Variants in ZBTB21 observed in about 807,000 individuals in gnomAD.
ZBTB21 encodes the protein zinc finger and BTB domain containing 21.
Under a neutral mutation model 39.8 loss-of-function variants are expected in ZBTB21, and 10 were observed. That is an observed-to-expected ratio of 0.25 (90% CI 0.16 to 0.43). The LOEUF is 0.43. Ranked by LOEUF, ZBTB21 falls within the 20% of genes least tolerant of loss-of-function variation. The pLI, the probability that ZBTB21 is intolerant of heterozygous loss-of-function variation, is 1.00. For synonymous variants in ZBTB21, 551 were observed against 498.8 expected (o/e 1.10, Z -1.40); for missense variants, 1,221 against 1,296.3 (o/e 0.94, Z 0.89).
In ZBTB21 at chr21:41,993,850, A is replaced by G; in HGVS notation, c.246T>C (p.Asn82=). The G allele has an allele frequency of 6.2e-7, 1 of 1,614,066 alleles. No individual in the cohort carries two copies. Among genetic ancestry groups the G allele is most frequent in the Non-Finnish European group, 8.5e-7 (1 of 1,179,982 alleles). The change falls in exon 3 of 3, where the codon AAT becomes AAC. Residue 82 remains asparagine (N), a synonymous_variant. Coordinates refer to ENST00000310826, the MANE Select transcript of ZBTB21 (RefSeq NM_001098402.2). ...LDFCEPDAFD[N]VLNYIYSSSL... ...AGGAAGAATAAATGTAGTTTAAAAC[A>G]TTATCAAAAGCATCTGGCTCACAGA...
chr21:41,996,656 G>C (rs891252650), intron 2 of ZBTB21, among the ~76,000 whole-genome samples: 1 of 152,214 alleles, frequency 6.6e-6, no homozygotes, highest in Admixed American at 6.5e-5. Flanking sequence ...TGTTGGGAAC[G>C]CATGATTGGT....
intron 1 of ZBTB21, among the ~76,000 whole-genome samples, chr21:42,007,630 T>C (rs2065895833): frequency 6.6e-6 from 1 of 152,198 alleles, no homozygotes; most frequent in Admixed American, 6.5e-5. Flanking sequence ...ATACTTCATC[T>C]CTCTGTAATA....
chr21:41,991,081 T>C lies in ZBTB21; in HGVS notation c.3015A>G (p.Thr1005=). 6.2e-7 allele frequency: 1 copy of C among 1,610,562 alleles called. No individual in the cohort carries two copies. Among genetic ancestry groups the C allele is most frequent in the Non-Finnish European group, 8.5e-7 (1 of 1,178,274 alleles). ...CTGGAGTTGGGTTTTCGGACAGGCC[T>C]GTGGGGCTGTCAGGCTCCAGAGGCT... ...KIQPLEPDSP[T]GLSENPTPAT... is the part of the protein sequence containing the mutation. Residue 1005 remains threonine (T), a synonymous_variant, in exon 3 of 3, where the codon ACA becomes ACG. Transcript: ENST00000310826. This position sits in a 1 kb window ranked among gnomAD's most constrained non-coding sequence, Gnocchi z 4.9.
rs1333129383 is a variant in ZBTB21 at position 41,992,086 on chromosome 21, G to A, written c.2010C>T (p.Tyr670=). 1.2e-6 allele frequency: 2 copies of A among 1,614,210 alleles called. No homozygotes were observed. Among genetic ancestry groups the A allele is most frequent in the African/African-American group, 1.3e-5 (1 of 75,038 alleles). ...ACGCTTTTCCGCAGTAAGTACAAAT[G>A]TAAGCTCCTTTGGCTCGAGATCTCA... ...RNLRSRAKGA[Y]ICTYCGKAYR... The change falls in exon 3 of 3, where the codon TAC becomes TAT. Residue 670 remains tyrosine, a synonymous_variant. Coordinates refer to ENST00000310826, the MANE Select transcript of ZBTB21 (RefSeq NM_001098402.2). This position sits in a 1 kb window ranked among gnomAD's most constrained non-coding sequence, Gnocchi z 4.1.
chr21:42,008,124 T>G (rs1017969484), intron 1 of ZBTB21: 1 of 152,224 alleles, frequency 6.6e-6, no homozygotes, highest in Admixed American at 6.6e-5. Context: ...CTTTCCCTTA[T>G]AGCCTATCAC....
chr21:41,995,814 G>A (rs775169234), intron 2 of ZBTB21, among the ~76,000 whole-genome samples: 33 of 152,240 alleles, frequency 2.2e-4, no homozygotes, highest in Non-Finnish European at 4.6e-4. Context: ...GTGCAGCCTA[G>A]GAACTTGGTG....
chr21:41,991,587 G>A lies in ZBTB21; in HGVS notation c.2509C>T (p.His837Tyr), dbSNP rs1258181102. The A allele has an allele frequency of 1.9e-6, 3 of 1,614,148 alleles. No individual in the cohort carries two copies. The South Asian group carries it at 3.3e-5, about 18-fold the overall frequency. The change falls in exon 3 of 3, where the codon CAC becomes TAC. Residue 837 changes from histidine (H) to tyrosine (Y), a missense_variant. By Grantham distance (83) the His-to-Tyr change is moderately conservative. Transcript: ENST00000310826. This position sits in a 1 kb window ranked among gnomAD's most constrained non-coding sequence, Gnocchi z 4.9. ...QSQPEPNKVN[H>Y]IVTTKDDNVF... ...TTGTCGTCTTTTGTGGTGACGATGTGGTTTACTTTGTTGGGCTCAGGCTGG... is the reference window on the plus strand; with the variant it reads ...TTGTCGTCTTTTGTGGTGACGATGTAGTTTACTTTGTTGGGCTCAGGCTGG...
chr21:41,990,868 C>A lies in ZBTB21; in HGVS notation c.*27G>T. The A allele has an allele frequency of 7.0e-7, 1 of 1,419,638 alleles. No individual in the cohort carries two copies. Among genetic ancestry groups the A allele is most frequent in the Non-Finnish European group, 9.2e-7 (1 of 1,083,896 alleles). 87.9% of individuals were successfully genotyped at this position (1,419,638 alleles called of 1,614,324 possible). A position where few individuals can be genotyped will look rare whatever the true frequency, so the allele number is the denominator to read the frequency against. ...ATTCAGGTTGAAATCTGGGGACTGC[C>A]TCCCATAGGTAAAAAGTGTTGGTCT... is the stretch of plus-strand genomic sequence containing the variant. On this transcript the variant is annotated 3_prime_UTR_variant, in exon 3 of 3. Coordinates refer to ENST00000310826, the MANE Select transcript of ZBTB21 (RefSeq NM_001098402.2).
intron 2 of ZBTB21, chr21:42,002,652 G>C (rs1478447271): frequency 6.6e-6 from 1 of 152,188 alleles, no homozygotes; most frequent in African/African-American, 2.4e-5. Context: ...TACAGAAGCA[G>C]TGCATCTTAC....
chr21:41,994,905 AG>A (rs1254987191), intron 2 of ZBTB21, among the ~76,000 whole-genome samples: 1 of 152,150 alleles, frequency 6.6e-6, no homozygotes, highest in African/African-American at 2.4e-5. Flanking sequence ...AAGCCTCATG[AG>A]ATCTGATGAT....
At chr21:41,994,863 G>A (rs1396794774) in intron 2 of ZBTB21, among the ~76,000 whole-genome samples, 1 of 152,216 alleles carries the variant, frequency 6.6e-6, no homozygotes. Flanking sequence ...AATCATGGGG[G>A]TGGGTCTTTC....
chr21:41,992,805 T>C lies in ZBTB21; in HGVS notation c.1291A>G (p.Thr431Ala). The C allele has an allele frequency of 6.2e-7, 1 of 1,614,126 alleles. No homozygotes were observed. Among genetic ancestry groups the C allele is most frequent in the Non-Finnish European group, 8.5e-7 (1 of 1,180,034 alleles). The change falls in exon 3 of 3, where the codon ACT becomes GCT. Residue 431 changes from threonine to alanine, a missense_variant. Coordinates refer to ENST00000310826, the MANE Select transcript of ZBTB21 (RefSeq NM_001098402.2). The surrounding 1 kb of genome is among the most constrained non-coding windows in gnomAD (Gnocchi z 4.1). ...TCCGACAGCGGGCTGCTGGGCTCAG[T>C]CTTTATGCGCACCTCAGTCACAGGG... Reference protein sequence around the residue: ...ASPVTEVRIKTEPSSPLSDPS... With the variant: ...ASPVTEVRIKAEPSSPLSDPS...
At chr21:42,000,094 C>A (rs1263074327) in intron 2 of ZBTB21, among the ~76,000 whole-genome samples, 2 of 152,110 alleles carry the variant, frequency 1.3e-5, no homozygotes, top group African/African-American at 4.8e-5. Flanking sequence ...GAGGTAAAGG[C>A]AGAGTCATTA....
rs2065586037 is a variant in ZBTB21 at position 41,986,914 on chromosome 21, A to T, written c.*3981T>A. 1 of 152,690 alleles carries T rather than the reference A, an allele frequency of 6.5e-6. No homozygotes were observed. Among genetic ancestry groups the T allele is most frequent in the East Asian group, 1.9e-4 (1 of 5,202 alleles). The allele number at this position is 152,690 out of a possible 1,614,324, so 9.5% of individuals were successfully genotyped here. ...CAAACTGTAGACAATGGAATTGAAT[A>T]CAAATAAGCAATGGATTAACATTAG... On this transcript the variant is annotated 3_prime_UTR_variant, in exon 3 of 3. Transcript: ENST00000310826.
chr21:41,993,408 T>G lies in ZBTB21; in HGVS notation c.688A>C (p.Asn230His). The stretch of plus-strand genomic sequence containing the variant: ...TTTCTTTTCACCAAACTGATTCTAT[T>G]AGGATCATCCAAAGATCCAGAATGC... ...LEHSGSLDDP[N>H]RISLVKRNAV... Residue 230 changes from asparagine to histidine, a missense_variant, in exon 3 of 3, where the codon AAT becomes CAT. Asn to His is a moderately conservative substitution (Grantham distance 68). Transcript: ENST00000310826. 6.2e-7 allele frequency: 1 copy of G among 1,614,194 alleles called. No homozygotes were observed. The highest frequency in any genetic ancestry group is 8.5e-7 in the Non-Finnish European group (1 of 1,180,026).
At chr21:41,997,180 C>T (rs1375283366) in intron 2 of ZBTB21, among the ~76,000 whole-genome samples, 1 of 152,172 alleles carries the variant, frequency 6.6e-6, no homozygotes, top group Non-Finnish European at 1.5e-5. Context: ...CTTCAGCCTC[C>T]CCAAGTGTTG....
Position 41,993,052 on chromosome 21 carries a change from G to A in ZBTB21, c.1044C>T (p.Ser348=). The change falls in exon 3 of 3, where the codon AGC becomes AGT. Residue 348 remains serine (S), a synonymous_variant. Transcript: ENST00000310826. ...SLLRRSLSMD[S]QVPVYSPSID... ...TGGAAGGTGAATAGACAGGAACCTG[G>A]CTATCCATCGACAATGACCGTCTGA... is the stretch of plus-strand genomic sequence containing the variant. The A allele has an allele frequency of 1.2e-6, 2 of 1,614,214 alleles. No individual in the cohort carries two copies. The highest frequency in any genetic ancestry group is 1.7e-6 in the Non-Finnish European group (2 of 1,180,048).
chr21:42,005,421 A>G (rs1460421138), intron 1 of ZBTB21, among the ~76,000 whole-genome samples: 1 of 152,228 alleles, frequency 6.6e-6, no homozygotes, highest in Non-Finnish European at 1.5e-5. Flanking sequence ...CGGAGGCCTG[A>G]AAATGCAACC....
intron 1 of ZBTB21, among the ~76,000 whole-genome samples, chr21:42,009,888 CG>C (rs2065938215): frequency 6.6e-6 from 1 of 152,180 alleles, no homozygotes. Flanking sequence ...AACCGCTCCG[CG>C]CGAGGGGCGC....
Sources: allele counts gnomAD v4.1 joint callset (sites outside exome capture counted in the v4.1 genomes callset), GRCh38; gene constraint gnomAD v4.1.1; non-coding constraint Gnocchi (gnomAD v3.1); transcripts MANE v1.5; gene names NCBI Gene and HGNC (gene_info 2026-07-23, HGNC 2026-07-21).